Variants in CDH3 observed in about 807,000 individuals in gnomAD.
CDH3 encodes cadherin 3, also known as cadherin-3.
CDH3 carries 54 observed loss-of-function variants against 82.0 expected under a neutral mutation model. The ratio of observed to expected loss-of-function variants is 0.66; its 90% CI spans 0.53 to 0.83. The LOEUF is 0.83. Ranked by LOEUF, CDH3 falls within the 40% of genes least tolerant of loss-of-function variation. The pLI, the probability that CDH3 is intolerant of heterozygous loss-of-function variation, is 0.00. For synonymous variants in CDH3, 446 were observed against 437.9 expected (o/e 1.02, Z -0.23); for missense variants, 1,054 against 1,084.6 (o/e 0.97, Z 0.40).
chr16:68,720,118 C>T (rs1403423066), intron 1 of CDH3, among the ~76,000 whole-genome samples: 1 of 152,190 alleles, frequency 6.6e-6, no homozygotes, highest in Non-Finnish European at 1.5e-5. Flanking sequence ...GATCACACCA[C>T]TGCATACCAG....
At chr16:68,689,423 C>T (rs191041257) in intron 12 of CDH3, among the ~76,000 whole-genome samples, 1 of 152,162 alleles carries the variant, frequency 6.6e-6, no homozygotes, top group Non-Finnish European at 1.5e-5. Context: ...GTAATCCCAG[C>T]TACTCAGGAG....
intron 1 of CDH3, 21 bp from the exon 2 acceptor site, chr16:68,645,615 A>C: frequency 6.5e-7 from 1 of 1,534,474 alleles, no homozygotes; most frequent in Non-Finnish European, 8.8e-7. Flanking sequence ...AGCCTCCTTC[A>C]CTCTCTGCCC....
intron 1 of CDH3, among the ~76,000 whole-genome samples, chr16:68,717,353 G>A (rs1025451654): frequency 3.3e-5 from 5 of 152,186 alleles, no homozygotes; most frequent in African/African-American, 1.2e-4. Context: ...GAAGTCTCAT[G>A]CATTGCTGAC....
chr16:68,728,297 C>T (rs544606282), downstream of CDH3, among the ~76,000 whole-genome samples: 26 of 152,030 alleles, frequency 1.7e-4, no homozygotes, highest in Non-Finnish European at 3.5e-4. Context: ...TCCGGAGCAG[C>T]TGGGACTGCA....
rs150982960 is a variant in CDH3, at chr16:68,661,265, T to C, written c.161-15120T>C. Among the ~76,000 whole-genome samples the C allele has an allele frequency of 9.9e-3, 1,504 of 152,336 alleles. 13 individuals are homozygous for C. Among genetic ancestry groups the C allele is most frequent in the Middle Eastern group, 0.065 (19 of 294 alleles). ...TATTATAATGTATAGAGTGCCTGAA[T>C]TGGGGTCCCAGAGCCACTGTGTCTG... On this transcript the variant is annotated intron_variant, in intron 2 of 15. Transcript: ENST00000264012.
chr16:68,678,996 GTATCAGATTA>G, intron 6 of CDH3, 90 bp downstream of exon 6: 1 of 1,365,120 alleles, frequency 7.3e-7, no homozygotes, highest in East Asian at 2.3e-5. Flanking sequence ...CCTTGGCTGT[GTATCAGATTA>G]CTTGGGATCT....
chr16:68,675,041 AGGTGGAGGTTGCAGTGAGCCGAGATCAT>A (rs557397367), intron 2 of CDH3, among the ~76,000 whole-genome samples: 372 of 152,146 alleles, frequency 2.4e-3, no homozygotes, highest in Middle Eastern at 6.8e-3. Context: ...TGAACCTGGG[AGGTGGAGGTTGCAGTGAGCCGAGATCAT>A]GCCACTGCAC....
At chr16:68,694,473 T>G (rs1288414214) in intron 13 of CDH3, among the ~76,000 whole-genome samples, 2 of 148,252 alleles carry the variant, frequency 1.3e-5, no homozygotes, top group African/African-American at 5.0e-5. Flanking sequence ...AATACAAAAA[T>G]TAGCCAGGCT....
the CDH3 span, among the ~76,000 whole-genome samples, chr16:68,733,563 C>T: frequency 1.7e-3 from 261 of 152,206 alleles, 1 homozygote; most frequent in African/African-American, 5.8e-3. Context: ...GCCAACATGG[C>T]GAAATCCCGT....
At chr16:68,673,961 A>G (rs1270864905) in intron 2 of CDH3, among the ~76,000 whole-genome samples, 1 of 152,082 alleles carries the variant, frequency 6.6e-6, no homozygotes, top group Admixed American at 6.6e-5. Context: ...GGTTGTTTCT[A>G]CCTTTTGACT....
intron 2 of CDH3, among the ~76,000 whole-genome samples, chr16:68,662,602 C>T (rs948484819): frequency 2.2e-5 from 3 of 134,850 alleles, no homozygotes; most frequent in Admixed American, 8.4e-5. Context: ...GGCTAGAGTG[C>T]GGTGGCACGA....
intron 3 of CDH3, among the ~76,000 whole-genome samples, chr16:68,677,614 T>G (rs1961067634): frequency 6.6e-6 from 1 of 152,216 alleles, no homozygotes. Context: ...GGCAGATGCC[T>G]GTAATCCCAG....
chr16:68,653,616 G>C (rs1375743805), intron 2 of CDH3, among the ~76,000 whole-genome samples: 1 of 151,936 alleles, frequency 6.6e-6, no homozygotes, highest in Non-Finnish European at 1.5e-5. Context: ...TCCTTATCCT[G>C]ATGCTTGCTT....
chr16:68,731,368 CAAAAAAAAAAAAAAAAAA>C (rs869074059), downstream of CDH3, among the ~76,000 whole-genome samples: 1 of 2,284 alleles, frequency 4.4e-4, no homozygotes, highest in South Asian at 0.023. Context: ...AACTCCGTCT[CAAAAAAAAAAAAAAAAAA>C]AAAAAAAAAA....
At chr16:68,721,331 T>A (rs1185022308) in intron 1 of CDH3, among the ~76,000 whole-genome samples, 1 of 151,556 alleles carries the variant, frequency 6.6e-6, no homozygotes, top group Non-Finnish European at 1.5e-5. Flanking sequence ...CCTCCCAGTT[T>A]CCAGCAATTC....
chr16:68,689,792 G>T (rs1171805951), intron 12 of CDH3, among the ~76,000 whole-genome samples: 5 of 151,690 alleles, frequency 3.3e-5, no homozygotes, highest in Admixed American at 3.3e-4. Context: ...AGAGTGCAGA[G>T]CATTTTAACT....
Position 68,682,336 on chromosome 16 carries a change from A to G in CDH3, c.1031A>G (p.His344Arg), listed in dbSNP as rs1961251842. 1 of 1,613,894 alleles carries G rather than the reference A, an allele frequency of 6.2e-7. No homozygotes were observed. The highest frequency in any genetic ancestry group is 8.5e-7 in the Non-Finnish European group (1 of 1,180,028). Residue 344 changes from histidine (H) to arginine (R), a missense_variant, in exon 9 of 16, where the codon CAT becomes CGT. Physicochemically the swap from His to Arg is conservative, Grantham distance 29. Transcript: ENST00000264012. The part of the protein sequence containing the change: ...EAHVPENAVG[H>R]EVQRLTVTDL... Reference sequence around the variant, plus strand: ...CATGTGCCTGAGAATGCAGTGGGCCATGAGGTGCAGAGGCTGACGGTCACT... The same window carrying G: ...CATGTGCCTGAGAATGCAGTGGGCCGTGAGGTGCAGAGGCTGACGGTCACT...
intron 2 of CDH3, among the ~76,000 whole-genome samples, chr16:68,673,381 T>A (rs914465243): frequency 6.6e-6 from 1 of 152,154 alleles, no homozygotes; most frequent in African/African-American, 2.4e-5. Flanking sequence ...TCTCCCGAAC[T>A]TTTTCATCAT....
In CDH3 at chr16:68,645,674, G is replaced by T. The variant is rs1485954187; in HGVS notation, c.84G>T (p.Arg28=). Residue 28 remains arginine, a synonymous_variant, in exon 2 of 16, where the codon CGG becomes CGT. Transcript: ENST00000264012. ...AGTGCGCGGCCTCCGAGCCGTGCCG[G>T]GCGGTCTTCAGGGAGGCTGAAGTGA... ...WLQCAASEPC[R]AVFREAEVTL... is the part of the protein sequence containing the mutation. The T allele has an allele frequency of 6.5e-7, 1 of 1,545,192 alleles. No homozygotes were observed. The highest frequency in any genetic ancestry group is 8.7e-7 in the Non-Finnish European group (1 of 1,146,672).
Sources: gnomAD v4.1 joint callset for allele counts (sites outside exome capture counted in the v4.1 genomes callset) on GRCh38, gnomAD v4.1.1 for gene constraint, MANE v1.5 for transcripts, NCBI Gene and HGNC (gene_info 2026-07-23, HGNC 2026-07-21) for gene names.